TSHZ2: variants seen among roughly 807,000 people sequenced by gnomAD.
TSHZ2 encodes the protein teashirt zinc finger homeobox 2, also known as teashirt homolog 2.
Under a neutral mutation model 74.4 loss-of-function variants are expected in TSHZ2, and 21 were observed. The ratio of observed to expected loss-of-function variants is 0.28; its 90% CI spans 0.20 to 0.41. The LOEUF is 0.41. Ranked by LOEUF, TSHZ2 falls within the 10% of genes least tolerant of loss-of-function variation. TSHZ2 has a pLI of 1.00. For missense variants in TSHZ2, 1,244 were observed against 1,293.5 expected (o/e 0.96, Z 0.59); for synonymous variants, 540 against 515.3 (o/e 1.05, Z -0.65).
intron 2 of TSHZ2, among the ~76,000 whole-genome samples, chr20:53,345,871 C>G (rs1980418943): frequency 6.6e-6 from 1 of 152,108 alleles, no homozygotes; most frequent in Non-Finnish European, 1.5e-5. Context: ...CCACCACCCT[C>G]CCCGCTGACC....
intron 2 of TSHZ2, among the ~76,000 whole-genome samples, chr20:53,423,898 G>A (rs890659195): frequency 2.6e-5 from 4 of 152,156 alleles, no homozygotes; most frequent in Non-Finnish European, 5.9e-5. Flanking sequence ...TAGTTGTCAC[G>A]CCCAGGGGGT....
At chr20:53,195,928 G>A (rs1032772414) in intron 1 of TSHZ2, among the ~76,000 whole-genome samples, 1 of 152,156 alleles carries the variant, frequency 6.6e-6, no homozygotes, top group Non-Finnish European at 1.5e-5. Context: ...AGAGCCTGCA[G>A]ATTAATGTGC....
At chr20:53,388,688 G>T (rs897936441) in intron 2 of TSHZ2, among the ~76,000 whole-genome samples, 8 of 147,598 alleles carry the variant, frequency 5.4e-5, no homozygotes, top group Non-Finnish European at 1.0e-4. Flanking sequence ...AGCAATTCTC[G>T]TACCTCAGCC....
intron 2 of TSHZ2, among the ~76,000 whole-genome samples, chr20:53,298,076 C>T (rs577955436): frequency 6.6e-6 from 1 of 152,156 alleles, no homozygotes; most frequent in Non-Finnish European, 1.5e-5. Flanking sequence ...ATGGGTGATC[C>T]TCTTCATGAG....
chr20:53,266,733 C>G lies in TSHZ2; in HGVS notation c.*8+10162C>G, dbSNP rs150892881. Among the ~76,000 whole-genome samples, 11 of 151,274 alleles carry G rather than the reference C, an allele frequency of 7.3e-5. No homozygotes were observed. In the East Asian group the frequency reaches 1.4e-3, roughly 19 times the overall value. ...ATCACAAACAATGACACTTCTTGGCCTTGTGGAGTTCTAGTCTAGCAGGGG... is the reference window on the plus strand; with the variant it reads ...ATCACAAACAATGACACTTCTTGGCGTTGTGGAGTTCTAGTCTAGCAGGGG... On this transcript the variant is annotated intron_variant, in intron 2 of 2. Coordinates refer to ENST00000371497, the MANE Select transcript of TSHZ2 (RefSeq NM_173485.6).
chr20:53,368,670 T>C (rs550604068), intron 2 of TSHZ2, among the ~76,000 whole-genome samples: 3 of 152,164 alleles, frequency 2.0e-5, no homozygotes, highest in Admixed American at 1.3e-4. Flanking sequence ...CTGATAGCAA[T>C]ATAGGGTAAC....
intron 2 of TSHZ2, among the ~76,000 whole-genome samples, chr20:53,401,438 T>G (rs1343288883): frequency 6.6e-6 from 1 of 152,202 alleles, no homozygotes; most frequent in Non-Finnish European, 1.5e-5. Flanking sequence ...AGGTGGTGTT[T>G]GGTTACATGG....
chr20:53,257,034 A>G (rs1400482398), intron 2 of TSHZ2, among the ~76,000 whole-genome samples: 1 of 152,244 alleles, frequency 6.6e-6, no homozygotes, highest in Middle Eastern at 3.2e-3. Context: ...AGTAGTTACT[A>G]TATAGAGATT....
intron 1 of TSHZ2, among the ~76,000 whole-genome samples, chr20:53,147,082 G>C (rs1369519912): frequency 6.6e-6 from 1 of 152,036 alleles, no homozygotes; most frequent in Non-Finnish European, 1.5e-5. Context: ...GGTTGATTTT[G>C]TGCCCAATGT....
rs572001473 is a variant in TSHZ2 at position 53,463,260 on chromosome 20, G to C, written c.*9-23884G>C. Among the ~76,000 whole-genome samples, 92 of 152,198 alleles carry C rather than the reference G, an allele frequency of 6.0e-4. 1 individual carries two copies. The highest frequency in any genetic ancestry group is 2.0e-3 in the African/African-American group (85 of 41,530). ...AGTTTTAGGATTGGGTGCAGTGGCT[G>C]ATGCCTGCAATCTTAGCACTTTGGG... is the stretch of plus-strand genomic sequence containing the variant. On this transcript the variant is annotated intron_variant, in intron 2 of 2. Coordinates refer to ENST00000371497, the MANE Select transcript of TSHZ2 (RefSeq NM_173485.6).
At chr20:53,091,913 G>T (rs533643999) in intron 1 of TSHZ2, among the ~76,000 whole-genome samples, 5 of 152,078 alleles carry the variant, frequency 3.3e-5, no homozygotes, top group Non-Finnish European at 4.4e-5. Context: ...AGACATGGTG[G>T]TACCCGCCTG....
At chr20:53,357,023 A>C (rs764015329) in intron 2 of TSHZ2, among the ~76,000 whole-genome samples, 8 of 152,146 alleles carry the variant, frequency 5.3e-5, no homozygotes. Context: ...TCACTATCAT[A>C]ATAATTTTTT....
chr20:53,380,851 A>T (rs1023294986), intron 2 of TSHZ2, among the ~76,000 whole-genome samples: 2 of 152,230 alleles, frequency 1.3e-5, no homozygotes, highest in African/African-American at 2.4e-5. Context: ...AACTATTATC[A>T]TTATATTATC....
chr20:53,305,549 G>A (rs970769635), intron 2 of TSHZ2, among the ~76,000 whole-genome samples: 5 of 152,174 alleles, frequency 3.3e-5, no homozygotes, highest in Non-Finnish European at 7.4e-5. Context: ...GACAATCACA[G>A]GGTCTCTTCA....
At chr20:53,351,220 T>A (rs1190319602) in intron 2 of TSHZ2, among the ~76,000 whole-genome samples, 1 of 152,236 alleles carries the variant, frequency 6.6e-6, no homozygotes, top group Non-Finnish European at 1.5e-5. Flanking sequence ...CTGTTTTCCC[T>A]TATTGAGTGA....
At chr20:53,151,259 C>T (rs369770124) in intron 1 of TSHZ2, among the ~76,000 whole-genome samples, 10 of 152,150 alleles carry the variant, frequency 6.6e-5, no homozygotes, top group African/African-American at 1.2e-4. Context: ...GGTGCCTATT[C>T]GCTGAGATGG....
intron 1 of TSHZ2, among the ~76,000 whole-genome samples, chr20:53,048,830 A>G (rs1984325245): frequency 6.6e-6 from 1 of 152,126 alleles, no homozygotes; most frequent in South Asian, 2.1e-4. Context: ...CCAGCCACCC[A>G]CTGGGCTTGC....
intron 1 of TSHZ2, among the ~76,000 whole-genome samples, chr20:53,239,526 G>A (rs1440771178): frequency 6.6e-6 from 1 of 152,100 alleles, no homozygotes; most frequent in African/African-American, 2.4e-5. Flanking sequence ...CACCTGGGAG[G>A]GGAGGTCAAG....
intron 2 of TSHZ2, among the ~76,000 whole-genome samples, chr20:53,285,636 G>A (rs764774700): frequency 1.3e-5 from 2 of 152,060 alleles, no homozygotes; most frequent in Non-Finnish European, 2.9e-5. Flanking sequence ...CTTGAACCCA[G>A]GAGGTGGAGG....
Sources: allele counts gnomAD v4.1 joint callset (sites outside exome capture counted in the v4.1 genomes callset), GRCh38; gene constraint gnomAD v4.1.1; transcripts MANE v1.5; gene names NCBI Gene and HGNC (gene_info 2026-07-23, HGNC 2026-07-21).